The following DYNC1I1 variants were observed in gnomAD, a reference collection of about 807,000 sequenced individuals.
The protein encoded by DYNC1I1 is dynein cytoplasmic 1 intermediate chain 1.
In DYNC1I1, 43 loss-of-function variants were observed where a neutral mutation model predicts 86.6. The ratio of observed to expected loss-of-function variants is 0.50; its 90% CI spans 0.39 to 0.64. The LOEUF (loss-of-function observed/expected upper bound fraction) is 0.64, where lower values mean the gene tolerates loss of function less well. Ranked by LOEUF, DYNC1I1 falls within the 30% of genes least tolerant of loss-of-function variation. The pLI is 0.00. For missense variants in DYNC1I1, 604 were observed against 788.8 expected, an observed-to-expected ratio of 0.77 and a Z score of 2.81; for synonymous variants, 262 against 283.7, an observed-to-expected ratio of 0.92 and a Z score of 0.77.
intron 6 of DYNC1I1, among the ~76,000 whole-genome samples, chr7:95,871,555 A>G: frequency 6.6e-6 from 1 of 152,202 alleles, no homozygotes; most frequent in Non-Finnish European, 1.5e-5. Context: ...ATTTAGCCCA[A>G]AACTTGACCC....
intron 11 of DYNC1I1, among the ~76,000 whole-genome samples, chr7:96,028,874 AG>A (rs1412377374): frequency 6.6e-6 from 1 of 152,208 alleles, no homozygotes. Flanking sequence ...TTAGTAGAAG[AG>A]GTTCAGTATA....
intron 5 of DYNC1I1, among the ~76,000 whole-genome samples, chr7:95,846,645 G>GTGTGTGTGTT: frequency 6.6e-6 from 1 of 151,030 alleles, no homozygotes; most frequent in Non-Finnish European, 1.5e-5. Context: ...GTGTGTGTGT[G>GTGTGTGTGTT]TGTGTGTGTG....
chr7:95,910,521 G>A (rs1791305148), intron 6 of DYNC1I1, among the ~76,000 whole-genome samples: 1 of 152,186 alleles, frequency 6.6e-6, no homozygotes, highest in Non-Finnish European at 1.5e-5. Flanking sequence ...TTAAGGTTTA[G>A]AGAGGCTGAA....
chr7:95,870,440 T>C (rs920848032), intron 6 of DYNC1I1, among the ~76,000 whole-genome samples: 14 of 152,266 alleles, frequency 9.2e-5, no homozygotes, highest in African/African-American at 3.1e-4. Context: ...TATCCAACCA[T>C]TGACTTCTGT....
intron 14 of DYNC1I1, among the ~76,000 whole-genome samples, chr7:96,058,934 G>A (rs78008550): frequency 0.021 from 3,163 of 150,228 alleles, 45 homozygotes; most frequent in South Asian, 0.06. Context: ...GTGAGCCACC[G>A]CACCTGGCCA....
chr7:96,053,588 G>C (rs1159358738), intron 14 of DYNC1I1, among the ~76,000 whole-genome samples: 2 of 151,684 alleles, frequency 1.3e-5, no homozygotes, highest in Non-Finnish European at 2.9e-5. Flanking sequence ...CTTCTTGAAA[G>C]GGATTTAAAA....
downstream of DYNC1I1, among the ~76,000 whole-genome samples, chr7:96,101,785 G>A (rs932067442): frequency 3.9e-5 from 6 of 152,046 alleles, no homozygotes; most frequent in Non-Finnish European, 5.9e-5. Context: ...ACAGAAGGGA[G>A]GGCCAAATGG....
At chr7:95,774,696 G>A (rs529300090) in intron 1 of DYNC1I1, among the ~76,000 whole-genome samples, 3 of 152,188 alleles carry the variant, frequency 2.0e-5, no homozygotes, top group Admixed American at 1.3e-4. Flanking sequence ...ACTCCTTCCC[G>A]AGTCTACGTT....
intron 1 of DYNC1I1, among the ~76,000 whole-genome samples, chr7:95,798,515 G>C (rs979571158): frequency 6.6e-6 from 1 of 152,068 alleles, no homozygotes; most frequent in African/African-American, 2.4e-5. Context: ...TTCAATATAT[G>C]ATAGTGAAGA....
intron 6 of DYNC1I1, among the ~76,000 whole-genome samples, chr7:95,962,180 C>T (rs1389316397): frequency 6.6e-6 from 1 of 152,194 alleles, no homozygotes; most frequent in African/African-American, 2.4e-5. Context: ...TCTGCCCATC[C>T]TACCCTTACC....
chr7:96,039,373 G>A lies in DYNC1I1; in HGVS notation c.1461G>A (p.Leu487=), dbSNP rs754192016. The change falls in exon 14 of 17, where the codon CTG becomes CTA. Residue 487 remains leucine, a synonymous_variant. Transcript: ENST00000447467. ...TGGGCCCAATCGACTTTTCTCACCT[G>A]TTTGTCACATCATCATTTGACTGGA... is the stretch of plus-strand genomic sequence containing the variant. ...MAVGPIDFSH[L]FVTSSFDWTV... The A allele has an allele frequency of 6.2e-7, 1 of 1,614,084 alleles. No individual in the cohort carries two copies. The highest frequency in any genetic ancestry group is 8.5e-7 in the Non-Finnish European group (1 of 1,179,966).
chr7:96,081,215 A>G (rs1301408545), intron 16 of DYNC1I1, among the ~76,000 whole-genome samples: 1 of 152,154 alleles, frequency 6.6e-6, no homozygotes, highest in Admixed American at 6.5e-5. Context: ...GTGATTAATT[A>G]GAATTTTGTG....
intron 6 of DYNC1I1, among the ~76,000 whole-genome samples, chr7:95,905,488 T>G (rs1204826462): frequency 1.2e-4 from 19 of 152,164 alleles, no homozygotes. Context: ...GCCACTGTCA[T>G]TTTTCCTCTA....
chr7:95,862,184 GA>G (rs1297061890), intron 5 of DYNC1I1, among the ~76,000 whole-genome samples: 3 of 151,770 alleles, frequency 2.0e-5, no homozygotes, highest in Non-Finnish European at 4.4e-5. Context: ...AGCAACCAAA[GA>G]AAAAATAGAT....
intron 6 of DYNC1I1, among the ~76,000 whole-genome samples, chr7:95,941,469 CG>C (rs1406555645): frequency 1.3e-5 from 2 of 152,132 alleles, no homozygotes; most frequent in South Asian, 2.1e-4. Context: ...TCGAGCTTCC[CG>C]GGCTGCTTTG....
chr7:95,890,423 C>G (rs969480456), intron 6 of DYNC1I1, among the ~76,000 whole-genome samples: 1 of 151,876 alleles, frequency 6.6e-6, no homozygotes, highest in South Asian at 2.1e-4. Context: ...ACTGGGGCCT[C>G]CTTGACGGTG....
At chr7:96,052,219 A>T (rs190553669) in intron 14 of DYNC1I1, among the ~76,000 whole-genome samples, 1 of 152,326 alleles carries the variant, frequency 6.6e-6, no homozygotes, top group East Asian at 1.9e-4. Context: ...TTTGAGCAGT[A>T]AAATTCATAG....
intron 6 of DYNC1I1, among the ~76,000 whole-genome samples, chr7:95,900,037 C>T (rs1778353090): frequency 6.6e-6 from 1 of 152,064 alleles, no homozygotes; most frequent in African/African-American, 2.4e-5. Context: ...CATGAGTTTG[C>T]CCTGACGATG....
intron 12 of DYNC1I1, among the ~76,000 whole-genome samples, chr7:96,035,143 T>C (rs1259973926): frequency 6.6e-6 from 1 of 152,158 alleles, no homozygotes; most frequent in Non-Finnish European, 1.5e-5. Flanking sequence ...TGAAATCTGG[T>C]TTTTATGACC....
Sources: allele counts gnomAD v4.1 joint callset (sites outside exome capture counted in the v4.1 genomes callset), GRCh38; gene constraint gnomAD v4.1.1; transcripts MANE v1.5; gene names NCBI Gene and HGNC (gene_info 2026-07-23, HGNC 2026-07-21).